Variants in RGS7 observed in about 807,000 individuals in gnomAD.
The protein encoded by RGS7 is regulator of G-protein signaling 7.
A neutral mutation model predicts 81.1 loss-of-function variants in RGS7; 27 were observed. The ratio of observed to expected loss-of-function variants is 0.33; its 90% CI spans 0.25 to 0.46. The LOEUF is 0.46. Among genes scored for constraint, RGS7 ranks in the 20% least tolerant of loss-of-function variants. The pLI is 1.00. For synonymous variants in RGS7, 208 were observed against 207.7 expected (o/e 1.00, Z -0.01); for missense variants, 396 against 607.4 (o/e 0.65, Z 3.66).
intron 2 of RGS7, among the ~76,000 whole-genome samples, chr1:241,249,659 G>A (rs1045219272): frequency 1.2e-4 from 18 of 152,064 alleles, no homozygotes; most frequent in Non-Finnish European, 2.1e-4. Context: ...TTTTGGGGGA[G>A]CACTGACATA....
At chr1:240,870,257 A>G in intron 6 of RGS7, 138 bp from the exon 7 acceptor site, 1 of 733,596 alleles carries the variant, frequency 1.4e-6, no homozygotes, top group Non-Finnish European at 2.4e-6. Flanking sequence ...ACAAAAAATA[A>G]TTATGTAATA....
Position 241,121,838 on chromosome 1 carries a change from G to T in RGS7, c.79-23076C>A, listed in dbSNP as rs959690700. On this transcript the variant is annotated intron_variant, in intron 2 of 18. Coordinates refer to ENST00000440928, the MANE Select transcript of RGS7 (RefSeq NM_001364886.1). ...CTCAAGCAGATTCTCCTCCCTAGTA[G>T]CTGGGACCTCAGGTGCGTGATACCA... Among the ~76,000 whole-genome samples, 6 of 145,466 alleles carry T rather than the reference G, an allele frequency of 4.1e-5. No homozygotes were observed. The Middle Eastern group carries it at 0.011, about 262-fold the overall frequency.
intron 6 of RGS7, among the ~76,000 whole-genome samples, chr1:240,883,558 T>C (rs1666804086): frequency 6.6e-6 from 1 of 152,168 alleles, no homozygotes; most frequent in African/African-American, 2.4e-5. Flanking sequence ...CTAAAATTTG[T>C]TTGTAGCCCT....
At chr1:240,823,998 C>T (rs1692320633) in intron 10 of RGS7, among the ~76,000 whole-genome samples, 1 of 152,074 alleles carries the variant, frequency 6.6e-6, no homozygotes, top group African/African-American at 2.4e-5. Context: ...TTTCACAGAT[C>T]CTTGAGATAA....
chr1:241,044,723 A>G (rs1426072432), intron 3 of RGS7, among the ~76,000 whole-genome samples: 1 of 152,116 alleles, frequency 6.6e-6, no homozygotes, highest in Non-Finnish European at 1.5e-5. Flanking sequence ...GTAAGCCACC[A>G]CACCTGACTT....
intron 3 of RGS7, among the ~76,000 whole-genome samples, chr1:241,080,954 G>A (rs770289722): frequency 4.6e-5 from 7 of 152,096 alleles, no homozygotes; most frequent in Non-Finnish European, 7.4e-5. Context: ...CCATATTCAC[G>A]TGGTTTCGAA....
intron 4 of RGS7, among the ~76,000 whole-genome samples, chr1:240,958,408 C>T (rs541120962): frequency 5.3e-5 from 8 of 152,234 alleles, no homozygotes; most frequent in Admixed American, 2.0e-4. Context: ...AGGCTCTTTG[C>T]GGAAGTAACT....
At chr1:240,922,881 A>G (rs1673810062) in intron 6 of RGS7, among the ~76,000 whole-genome samples, 1 of 152,114 alleles carries the variant, frequency 6.6e-6, no homozygotes, top group South Asian at 2.1e-4. Flanking sequence ...TTGGAAACTT[A>G]TGTCTTCAAA....
chr1:241,185,087 A>G (rs2071975318), intron 2 of RGS7, among the ~76,000 whole-genome samples: 1 of 152,230 alleles, frequency 6.6e-6, no homozygotes, highest in Non-Finnish European at 1.5e-5. Flanking sequence ...CATCCATGAA[A>G]TATACATGAA....
At chr1:241,119,492 T>C (rs2066101705) in intron 2 of RGS7, among the ~76,000 whole-genome samples, 2 of 152,234 alleles carry the variant, frequency 1.3e-5, no homozygotes, top group African/African-American at 4.8e-5. Flanking sequence ...CTTTTAACAA[T>C]GAACTTTTCA....
At chr1:240,955,551 CAAAAAAAAAAAAAAA>C (rs369155474) in intron 4 of RGS7, among the ~76,000 whole-genome samples, 126 of 140,306 alleles carry the variant, frequency 9.0e-4, no homozygotes, top group Non-Finnish European at 1.6e-3. Flanking sequence ...GACTCTGTCT[CAAAAAAAAAAAAAAA>C]AAAAAAAAAA....
chr1:241,135,295 C>T (rs990178425), intron 2 of RGS7, among the ~76,000 whole-genome samples: 21 of 152,020 alleles, frequency 1.4e-4, no homozygotes, highest in Non-Finnish European at 2.4e-4. Context: ...GATGTAGTGG[C>T]GGGCACCTGT....
At chr1:240,816,454 A>G (rs748628149) in intron 10 of RGS7, 39 bp from the exon 11 acceptor site, 7 of 1,306,168 alleles carry the variant, frequency 5.4e-6, no homozygotes, top group Non-Finnish European at 7.8e-6. Context: ...AGGACAAAAT[A>G]CCGTTTACAG....
chr1:241,268,276 G>A (rs1208940570), intron 2 of RGS7, among the ~76,000 whole-genome samples: 3 of 152,188 alleles, frequency 2.0e-5, no homozygotes, highest in Non-Finnish European at 2.9e-5. Flanking sequence ...TTCCTCTCCT[G>A]CATTCAGCCC....
chr1:240,892,824 TGG>T (rs1335669522), intron 6 of RGS7, among the ~76,000 whole-genome samples: 1 of 152,182 alleles, frequency 6.6e-6, no homozygotes. Flanking sequence ...TATTCTGATT[TGG>T]GGCTGCCTGA....
chr1:241,059,641 C>T (rs539772670), intron 3 of RGS7, among the ~76,000 whole-genome samples: 146 of 152,234 alleles, frequency 9.6e-4, no homozygotes, highest in Non-Finnish European at 1.7e-3. Flanking sequence ...ACCCAGGAAG[C>T]CCAGCAGCCT....
At chr1:241,073,506 T>C (rs1414292033) in intron 3 of RGS7, among the ~76,000 whole-genome samples, 1 of 152,204 alleles carries the variant, frequency 6.6e-6, no homozygotes, top group Admixed American at 6.5e-5. Context: ...CAGCAAACAT[T>C]TTCAGAGTAT....
chr1:240,884,553 A>C (rs896616076), intron 6 of RGS7, among the ~76,000 whole-genome samples: 4 of 152,232 alleles, frequency 2.6e-5, no homozygotes, highest in African/African-American at 9.6e-5. Flanking sequence ...TGGTACAAAA[A>C]CAGGCACATA....
At chr1:241,233,497 C>A (rs2148075597) in intron 2 of RGS7, among the ~76,000 whole-genome samples, 1 of 152,324 alleles carries the variant, frequency 6.6e-6, no homozygotes, top group South Asian at 2.1e-4. Flanking sequence ...ATTTGTCTTT[C>A]TGTGCCTGAC....
Sources: gnomAD v4.1 joint callset for allele counts (sites outside exome capture counted in the v4.1 genomes callset) on GRCh38, gnomAD v4.1.1 for gene constraint, MANE v1.5 for transcripts, NCBI Gene and HGNC (gene_info 2026-07-23, HGNC 2026-07-21) for gene names.